MAD1L1: variants seen among roughly 807,000 people sequenced by gnomAD.
MAD1L1 encodes mitotic spindle assembly checkpoint protein MAD1.
A neutral mutation model predicts 96.9 loss-of-function variants in MAD1L1; 95 were observed. The ratio of observed to expected loss-of-function variants is 0.98; its 90% CI spans 0.83 to 1.16. MAD1L1 has a LOEUF of 1.16. Among genes scored for constraint, MAD1L1 ranks in the 50% most tolerant of loss-of-function variants. The probability of loss-of-function intolerance (pLI) is 0.00; values close to 1 mark genes in which losing one functional copy is unlikely to be tolerated. For synonymous variants in MAD1L1, 473 were observed against 396.6 expected, an observed-to-expected ratio of 1.19 and a Z score of -2.29; for missense variants, 1,007 against 954.4, an observed-to-expected ratio of 1.06 and a Z score of -0.73.
chr7:2,085,269 G>C (rs1012902597), intron 11 of MAD1L1, among the ~76,000 whole-genome samples: 1 of 152,216 alleles, frequency 6.6e-6, no homozygotes, highest in Non-Finnish European at 1.5e-5. Flanking sequence ...AGGTAGAAAA[G>C]GTTAACAAAA....
At chr7:2,104,204 C>T (rs1436600047) in intron 11 of MAD1L1, among the ~76,000 whole-genome samples, 2 of 152,212 alleles carry the variant, frequency 1.3e-5, no homozygotes, top group African/African-American at 2.4e-5. Context: ...GAGCAGATAG[C>T]GGCAAACTCC....
At chr7:2,094,855 C>T (rs186106294) in intron 11 of MAD1L1, among the ~76,000 whole-genome samples, 13 of 152,190 alleles carry the variant, frequency 8.5e-5, no homozygotes, top group African/African-American at 2.6e-4. Context: ...GTTCCAGGAA[C>T]AGGAAGTGGG....
intron 12 of MAD1L1, among the ~76,000 whole-genome samples, chr7:2,027,732 G>A (rs1248301770): frequency 2.0e-5 from 3 of 152,164 alleles, no homozygotes; most frequent in Admixed American, 2.0e-4. Flanking sequence ...ATCTGAAAAG[G>A]ATTTCCTTAC....
chr7:2,051,477 GA>G (rs1784166147), intron 12 of MAD1L1, among the ~76,000 whole-genome samples: 1 of 152,132 alleles, frequency 6.6e-6, no homozygotes, highest in Admixed American at 6.5e-5. Flanking sequence ...TGTCCTTCAG[GA>G]AGAGCCACGT....
intron 10 of MAD1L1, among the ~76,000 whole-genome samples, chr7:2,205,322 C>T (rs937144462): frequency 6.6e-6 from 1 of 152,094 alleles, no homozygotes; most frequent in Non-Finnish European, 1.5e-5. Flanking sequence ...CCCGGAGTCA[C>T]GTAACCAGAC....
chr7:2,112,714 C>T lies in MAD1L1; in HGVS notation c.1073+36438G>A, dbSNP rs181598821. ...AGGGGCCCTGGGGCCCTGACACACC[C>T]GGAGCAGGCAGCACCCCACACCCAC... On this transcript the variant is annotated intron_variant, in intron 11 of 18. Coordinates refer to ENST00000265854, the MANE Select transcript of MAD1L1 (RefSeq NM_001013836.2). Among the ~76,000 whole-genome samples the T allele has an allele frequency of 1.1e-4, 16 of 151,792 alleles. No homozygotes were observed. In the East Asian group the frequency reaches 2.7e-3, roughly 26 times the overall value.
rs375489444 is a variant in MAD1L1 at position 1,873,168 on chromosome 7, T to C, written c.1998+25032A>G. 2.7e-3 allele frequency among the ~76,000 whole-genome samples: 405 copies of C among 152,310 alleles called. 1 individual carries two copies. Among genetic ancestry groups the C allele is most frequent in the African/African-American group, 9.4e-3 (390 of 41,572 alleles). ...TGGTGCAGCCTCTCCTGCCTCAGTG[T>C]CCCTTTTCATAAGGGGGGCCTTGAC... On this transcript the variant is annotated intron_variant, in intron 18 of 18. Coordinates refer to ENST00000265854, the MANE Select transcript of MAD1L1 (RefSeq NM_001013836.2).
At chr7:1,926,912 T>C (rs951820676) in intron 17 of MAD1L1, among the ~76,000 whole-genome samples, 9 of 152,080 alleles carry the variant, frequency 5.9e-5, no homozygotes, top group African/African-American at 2.2e-4. Context: ...ATAGAAGACA[T>C]ATGGATCTTA....
At chr7:2,220,607 C>T (rs1212638874) in intron 5 of MAD1L1, among the ~76,000 whole-genome samples, 2 of 152,214 alleles carry the variant, frequency 1.3e-5, no homozygotes, top group African/African-American at 4.8e-5. Flanking sequence ...TGGGCGGCAC[C>T]CTCCGCAAAC....
intron 15 of MAD1L1, among the ~76,000 whole-genome samples, chr7:1,978,793 G>A (rs1449987205): frequency 6.6e-6 from 1 of 152,180 alleles, no homozygotes; most frequent in Non-Finnish European, 1.5e-5. Flanking sequence ...GATGAAGACG[G>A]AGAGCGCGTC....
chr7:2,020,916 T>TA (rs1782759584), intron 12 of MAD1L1, among the ~76,000 whole-genome samples: 1 of 147,866 alleles, frequency 6.8e-6, no homozygotes, highest in Admixed American at 6.7e-5. Flanking sequence ...CTAACCAACA[T>TA]AAAAAATGAA....
intron 12 of MAD1L1, among the ~76,000 whole-genome samples, chr7:2,039,989 G>A (rs1783605069): frequency 6.6e-6 from 1 of 152,230 alleles, no homozygotes; most frequent in Admixed American, 6.5e-5. Flanking sequence ...TTGGTTCTGT[G>A]AGAATAGCAA....
Position 1,818,339 on chromosome 7 carries a change from C to T in MAD1L1, c.1999-2111G>A, listed in dbSNP as rs140278763. Among the ~76,000 whole-genome samples, 442 of 152,210 alleles carry T rather than the reference C, an allele frequency of 2.9e-3. 3 individuals are homozygous for T. Among genetic ancestry groups the T allele is most frequent in the African/African-American group, 1.0e-2 (414 of 41,562 alleles). ...CTGTTTTCCAGGCACCCGCCTTCCC[C>T]GGCCCTCAGAGGCTGGCAGGCTTTG... On this transcript the variant is annotated intron_variant, in intron 18 of 18. Transcript: ENST00000265854.
At position 1,983,107 on chromosome 7, in the gene MAD1L1, TGCACACAC is replaced by T. The variant is rs945079797; in HGVS notation, c.1417-2574_1417-2567del. Among the ~76,000 whole-genome samples, 37 of 151,018 alleles carry T rather than the reference TGCACACAC, an allele frequency of 2.5e-4. No individual in the cohort carries two copies. In the East Asian group the frequency reaches 3.3e-3, roughly 14 times the overall value. On this transcript the variant is annotated intron_variant, in intron 14 of 18. Transcript: ENST00000265854. The stretch of plus-strand genomic sequence containing the variant: ...GCGCGTGCATGCACACACACACACG[TGCACACAC>T]GCACACACACCCACAGACGCGCGCG...
At chr7:1,857,907 C>T (rs145246356) in intron 18 of MAD1L1, among the ~76,000 whole-genome samples, 19 of 152,310 alleles carry the variant, frequency 1.2e-4, no homozygotes, top group African/African-American at 3.4e-4. Context: ...TTGTCCACCC[C>T]GGCCCTGCAG....
At chr7:2,090,884 C>T (rs950649936) in intron 11 of MAD1L1, among the ~76,000 whole-genome samples, 2 of 152,184 alleles carry the variant, frequency 1.3e-5, no homozygotes, top group African/African-American at 4.8e-5. Flanking sequence ...CCTGGCCTAC[C>T]CTAGGGGGAT....
At chr7:2,206,951 C>A (rs553347559) in intron 10 of MAD1L1, among the ~76,000 whole-genome samples, 16 of 152,086 alleles carry the variant, frequency 1.1e-4, no homozygotes, top group Non-Finnish European at 1.9e-4. Context: ...CATGGTGGTC[C>A]ATGCCTGTAG....
intron 11 of MAD1L1, among the ~76,000 whole-genome samples, chr7:2,101,067 T>C (rs1786757805): frequency 1.3e-5 from 2 of 152,198 alleles, no homozygotes; most frequent in South Asian, 4.1e-4. Flanking sequence ...GGGGGAGTGC[T>C]GCCAATTTGT....
chr7:1,934,259 G>T (rs545198235), intron 17 of MAD1L1, among the ~76,000 whole-genome samples: 1 of 152,160 alleles, frequency 6.6e-6, no homozygotes, highest in Non-Finnish European at 1.5e-5. Context: ...GCTCAGACAC[G>T]CCTCTTCGCA....
Sources: gnomAD v4.1 joint callset for allele counts (sites outside exome capture counted in the v4.1 genomes callset) on GRCh38, gnomAD v4.1.1 for gene constraint, MANE v1.5 for transcripts, NCBI Gene and HGNC (gene_info 2026-07-23, HGNC 2026-07-21) for gene names.